Variants in HMCN1 observed in about 807,000 individuals in gnomAD.
The protein encoded by HMCN1 is hemicentin-1.
In HMCN1, 321 loss-of-function variants were observed where a neutral mutation model predicts 625.9. The ratio of observed to expected loss-of-function variants is 0.51; its 90% CI spans 0.47 to 0.56. The LOEUF (loss-of-function observed/expected upper bound fraction) is 0.56. Among genes scored for constraint, HMCN1 ranks in the 20% least tolerant of loss-of-function variants. The pLI is 0.00. For missense variants in HMCN1, 6,588 were observed against 6,887.3 expected, an observed-to-expected ratio of 0.96 and a Z score of 1.54; for synonymous variants, 2,425 against 2,417.6, an observed-to-expected ratio of 1.00 and a Z score of -0.09.
intron 4 of HMCN1, among the ~76,000 whole-genome samples, chr1:185,884,052 T>A (rs1269470354): frequency 1.3e-5 from 2 of 151,760 alleles, no homozygotes; most frequent in African/African-American, 4.8e-5. Flanking sequence ...CCTTTGAGGC[T>A]TTTTAGAAAG....
chr1:186,092,267 C>T (rs1035442230), intron 64 of HMCN1, among the ~76,000 whole-genome samples: 2 of 151,724 alleles, frequency 1.3e-5, no homozygotes, highest in Admixed American at 6.6e-5. Flanking sequence ...AATGTACTAC[C>T]TTTGTTTGAT....
chr1:185,981,326 G>GCACACACACACACA (rs58305455), intron 17 of HMCN1, among the ~76,000 whole-genome samples: 15 of 147,844 alleles, frequency 1.0e-4, no homozygotes, highest in African/African-American at 2.7e-4. Context: ...ATACACACAT[G>GCACACACACACACA]CACACACACA....
chr1:185,910,308 G>A (rs1666340507), intron 5 of HMCN1, among the ~76,000 whole-genome samples: 1 of 151,984 alleles, frequency 6.6e-6, no homozygotes, highest in Non-Finnish European at 1.5e-5. Context: ...CAAACACATT[G>A]AAATTTACAA....
intron 2 of HMCN1, among the ~76,000 whole-genome samples, chr1:185,856,434 A>G (rs1447845533): frequency 1.3e-5 from 2 of 149,944 alleles, no homozygotes; most frequent in Non-Finnish European, 3.0e-5. Context: ...AGTTGCGGTG[A>G]GTGAGATCGC....
Position 186,088,286 on chromosome 1 carries a change from C to A in HMCN1, c.9577+10C>A. The A allele has an allele frequency of 6.2e-7, 1 of 1,612,152 alleles. No homozygotes were observed. Among genetic ancestry groups the A allele is most frequent in the Non-Finnish European group, 8.5e-7 (1 of 1,178,830 alleles). Reference sequence around the variant, plus strand: ...AACCACAAGCGCATAGGTAAGGCAACCATGCATTTTTGTGTGTGTGTGTGT... The same window carrying A: ...AACCACAAGCGCATAGGTAAGGCAAACATGCATTTTTGTGTGTGTGTGTGT... On this transcript the variant is annotated intron_variant, in intron 62 of 106. Coordinates refer to ENST00000271588, the MANE Select transcript of HMCN1 (RefSeq NM_031935.3).
intron 36 of HMCN1, 55 bp downstream of exon 36, chr1:186,023,208 A>G: frequency 2.0e-6 from 3 of 1,475,482 alleles, no homozygotes; most frequent in Non-Finnish European, 9.5e-7. Flanking sequence ...TTTTAAAAAC[A>G]TAGTGGGCTC....
chr1:186,088,470 CT>C, intron 62 of HMCN1, 135 bp from the exon 63 acceptor site: 1 of 1,360,606 alleles, frequency 7.3e-7, no homozygotes, highest in Non-Finnish European at 9.9e-7. Flanking sequence ...AGAATTTTTT[CT>C]TTTTTAAAAA....
At position 186,107,221 on chromosome 1, in the gene HMCN1, G is replaced by A. The variant is rs112535153; in HGVS notation, c.10852+256G>A. 4.3e-3 allele frequency among the ~76,000 whole-genome samples: 656 copies of A among 152,250 alleles called. 14 individuals carry two copies. The highest frequency in any genetic ancestry group is 0.042 in the South Asian group (200 of 4,818). On this transcript the variant is annotated intron_variant, in intron 70 of 106. Coordinates refer to ENST00000271588, the MANE Select transcript of HMCN1 (RefSeq NM_031935.3). The stretch of plus-strand genomic sequence containing the variant: ...CTGCCTCAGCCTCCTGAGTAGCTGG[G>A]ACTACAGGTGCCTGCCACCACGCCC...
In HMCN1 at chr1:186,015,424, T is replaced by C. The variant is rs377764090; in HGVS notation, c.4896T>C (p.His1632=). Residue 1632 remains histidine, a synonymous_variant, in exon 31 of 107, where the codon CAT becomes CAC. Transcript: ENST00000271588. ...CTGGAACTGCTGAAAAATCATTCCA[T>C]GTGGATGTCTATGGTGAGGAACAAC... ...NVAGTAEKSF[H]VDVYVPPMIE... is the part of the protein sequence containing the mutation. The C allele has an allele frequency of 6.2e-6, 10 of 1,613,568 alleles. No individual in the cohort carries two copies. Among genetic ancestry groups the C allele is most frequent in the African/African-American group, 1.3e-5 (1 of 75,026 alleles).
chr1:185,848,333 T>C (rs938233118), intron 2 of HMCN1, among the ~76,000 whole-genome samples: 7 of 152,078 alleles, frequency 4.6e-5, no homozygotes, highest in Non-Finnish European at 1.0e-4. Flanking sequence ...ATCTCTGTAG[T>C]CTTTGACAAC....
At chr1:186,138,391 C>A (rs1042459362) in intron 89 of HMCN1, among the ~76,000 whole-genome samples, 1 of 152,138 alleles carries the variant, frequency 6.6e-6, no homozygotes, top group African/African-American at 2.4e-5. Flanking sequence ...TAAATACTTG[C>A]CACATAATAG....
chr1:186,181,582 A>T (rs558870499), intron 104 of HMCN1, among the ~76,000 whole-genome samples: 106 of 152,154 alleles, frequency 7.0e-4, no homozygotes, highest in Non-Finnish European at 1.2e-3. Flanking sequence ...ACACAACTAT[A>T]TATGTATGTA....
At chr1:186,072,028 G>T (rs1027311613) in intron 52 of HMCN1, among the ~76,000 whole-genome samples, 1 of 152,104 alleles carries the variant, frequency 6.6e-6, no homozygotes, top group Non-Finnish European at 1.5e-5. Context: ...ATTATAAGTT[G>T]TTAAATTGCA....
intron 15 of HMCN1, among the ~76,000 whole-genome samples, chr1:185,973,742 A>G (rs1353604381): frequency 6.6e-6 from 1 of 152,090 alleles, no homozygotes; most frequent in African/African-American, 2.4e-5. Flanking sequence ...ATCCTTTGTA[A>G]AAAGGGATAG....
intron 19 of HMCN1, among the ~76,000 whole-genome samples, chr1:185,984,943 A>G (rs190525304): frequency 3.9e-5 from 6 of 152,206 alleles, no homozygotes; most frequent in Admixed American, 3.9e-4. Flanking sequence ...GCTTTTTTAA[A>G]AAAAACAAAA....
chr1:185,815,868 T>C (rs960417712), intron 1 of HMCN1, among the ~76,000 whole-genome samples: 2 of 150,244 alleles, frequency 1.3e-5, no homozygotes, highest in Non-Finnish European at 2.9e-5. Flanking sequence ...ATTTGTTTCT[T>C]ATTATAATTT....
rs892413484 is a variant in HMCN1 at position 186,062,739 on chromosome 1, G to C, written c.7513+139G>C. The C allele has an allele frequency of 7.2e-6, 5 of 692,446 alleles. No homozygotes were observed. In the Admixed American group the frequency reaches 1.0e-4, roughly 14 times the overall value. The allele number at this position is 692,446 out of a possible 1,614,324, so 42.9% of individuals were successfully genotyped here. On this transcript the variant is annotated intron_variant, in intron 48 of 106. Transcript: ENST00000271588. ...TTACATGGATATATTGAGTACTGGT[G>C]AAGTCTCAGTGATGGTAAACATTAC...
chr1:185,786,038 G>A (rs574131719), intron 1 of HMCN1, among the ~76,000 whole-genome samples: 1 of 152,132 alleles, frequency 6.6e-6, no homozygotes, highest in Non-Finnish European at 1.5e-5. Flanking sequence ...GTATGACTGA[G>A]ATCCATAATC....
At chr1:185,803,910 T>C (rs10489715) in intron 1 of HMCN1, among the ~76,000 whole-genome samples, 13,833 of 152,082 alleles carry the variant, frequency 0.091, 2,024 homozygotes, top group African/African-American at 0.31. Context: ...TTGGCTATCA[T>C]TCAATTGCTG....
Sources: gnomAD v4.1 joint callset for allele counts (sites outside exome capture counted in the v4.1 genomes callset) on GRCh38, gnomAD v4.1.1 for gene constraint, MANE v1.5 for transcripts, NCBI Gene and HGNC (gene_info 2026-07-23, HGNC 2026-07-21) for gene names.